NAA35: variants seen among roughly 807,000 people sequenced by gnomAD.
NAA35 encodes the protein N-alpha-acetyltransferase 35, NatC auxiliary subunit.
In NAA35, 18 loss-of-function variants were observed where a neutral mutation model predicts 101.7. The ratio of observed to expected loss-of-function variants is 0.18; its 90% CI spans 0.12 to 0.26. NAA35 has a LOEUF of 0.26. NAA35 is among the 10% of genes least tolerant of loss of function. The probability of loss-of-function intolerance (pLI) is 1.00; values close to 1 mark genes in which losing one functional copy is unlikely to be tolerated. For synonymous variants in NAA35, 267 were observed against 273.1 expected, an observed-to-expected ratio of 0.98 and a Z score of 0.22; for missense variants, 601 against 886.8, an observed-to-expected ratio of 0.68 and a Z score of 4.09.
chr9:85,996,405 C>A lies in NAA35; in HGVS notation c.884C>A (p.Pro295Gln). 1 of 1,568,810 alleles carries A rather than the reference C, an allele frequency of 6.4e-7. No individual in the cohort carries two copies. The highest frequency in any genetic ancestry group is 2.3e-5 in the East Asian group (1 of 42,908). ...AQNDTTKGDH[P>Q]IMMGFEPLVN... ...TTCATTTTTTTCTTTTTAGATCATC[C>A]AATTATGATGGGTTTTGAACCCCTT... Residue 295 changes from proline to glutamine, a missense_variant, in exon 12 of 23, where the codon CCA becomes CAA. Coordinates refer to ENST00000361671, the MANE Select transcript of NAA35 (RefSeq NM_024635.4).
chr9:85,988,878 G>A (rs562497904), intron 11 of NAA35, among the ~76,000 whole-genome samples: 3 of 151,974 alleles, frequency 2.0e-5, no homozygotes, highest in Non-Finnish European at 4.4e-5. Flanking sequence ...TGTGAAGTAT[G>A]ATGAGAAAGT....
chr9:85,973,266 G>C (rs1830071237), intron 6 of NAA35, among the ~76,000 whole-genome samples: 1 of 152,210 alleles, frequency 6.6e-6, no homozygotes, highest in Non-Finnish European at 1.5e-5. Context: ...GGCCATGGTG[G>C]ACTTAGGGAT....
intron 12 of NAA35, among the ~76,000 whole-genome samples, chr9:86,002,467 T>C (rs1161239288): frequency 1.3e-5 from 2 of 152,158 alleles, no homozygotes; most frequent in Non-Finnish European, 2.9e-5. Context: ...AGATGTTTGC[T>C]TTCTCCCCTT....
intron 10 of NAA35, among the ~76,000 whole-genome samples, chr9:85,977,902 CTAATT>C (rs1196387729): frequency 6.6e-6 from 1 of 151,394 alleles, no homozygotes; most frequent in Admixed American, 6.6e-5. Context: ...ATTTTTACCA[CTAATT>C]TAATTTCTGT....
intron 8 of NAA35, 86 bp from the exon 9 acceptor site, chr9:85,976,599 C>G (rs564535796): frequency 9.8e-7 from 1 of 1,018,856 alleles, no homozygotes; most frequent in African/African-American, 1.7e-5. Context: ...CTTGTGTATA[C>G]TTAAAAAATC....
At chr9:85,990,174 C>T (rs1830841063) in intron 11 of NAA35, among the ~76,000 whole-genome samples, 1 of 152,156 alleles carries the variant, frequency 6.6e-6, no homozygotes, top group African/African-American at 2.4e-5. Flanking sequence ...AAAGAGGGAC[C>T]AAACAGAAAG....
Position 86,021,065 on chromosome 9 carries a change from C to A in NAA35, c.2118+96C>A, listed in dbSNP as rs1309589904. 8.1e-6 allele frequency: 7 copies of A among 860,912 alleles called. No individual in the cohort carries two copies. The Admixed American group carries it at 1.8e-4, about 22-fold the overall frequency. The allele number at this position is 860,912 out of a possible 1,614,324, so 53.3% of individuals were successfully genotyped here. Reference sequence around the variant, plus strand: ...TGTAAATATTACAGGAAAAATTAAACCACTGAACAAAAATCATTCTAAAAA... The same window carrying A: ...TGTAAATATTACAGGAAAAATTAAAACACTGAACAAAAATCATTCTAAAAA... On this transcript the variant is annotated intron_variant, in intron 22 of 22. Transcript: ENST00000361671.
intron 11 of NAA35, among the ~76,000 whole-genome samples, chr9:85,989,060 T>A (rs532702616): frequency 1.4e-4 from 21 of 152,350 alleles, no homozygotes; most frequent in African/African-American, 5.0e-4. Context: ...GAATTATTAA[T>A]AGTAAAATAG....
At chr9:85,960,228 AT>A (rs958996054) in intron 5 of NAA35, among the ~76,000 whole-genome samples, 1 of 152,092 alleles carries the variant, frequency 6.6e-6, no homozygotes, top group Non-Finnish European at 1.5e-5. Context: ...CTTTGGAGAG[AT>A]TTTTTCTAAT....
At chr9:86,015,803 A>C in intron 17 of NAA35, 1 of 978,134 alleles carries the variant, frequency 1.0e-6, no homozygotes, top group Non-Finnish European at 1.2e-6. Context: ...AGAAGGTAGA[A>C]GACATCATCA....
chr9:85,958,702 T>C, intron 4 of NAA35, 116 bp downstream of exon 4: 2 of 584,100 alleles, frequency 3.4e-6, no homozygotes, highest in Non-Finnish European at 2.8e-6. Flanking sequence ...TCAAAGCAGC[T>C]CAAGCATATA....
At chr9:86,007,004 C>T (rs1372315472) in intron 13 of NAA35, among the ~76,000 whole-genome samples, 1 of 151,950 alleles carries the variant, frequency 6.6e-6, no homozygotes, top group Non-Finnish European at 1.5e-5. Context: ...TAGAGGTAAA[C>T]AGGATTATCA....
chr9:85,997,532 A>G (rs1282418117), intron 12 of NAA35, among the ~76,000 whole-genome samples: 1 of 151,346 alleles, frequency 6.6e-6, no homozygotes, highest in Non-Finnish European at 1.5e-5. Flanking sequence ...TGGTAGAGAC[A>G]GGGTTTCACC....
chr9:85,970,979 A>T (rs1829974310), intron 6 of NAA35, among the ~76,000 whole-genome samples: 1 of 152,186 alleles, frequency 6.6e-6, no homozygotes, highest in African/African-American at 2.4e-5. Context: ...ACTTGTTAAG[A>T]TGAAAGCATT....
rs1263767250 is a variant in NAA35, at chr9:85,955,345, TATATATATATATATA to T, written c.125-1014_125-1000del. ...CTATATACATATATATATATATATATATATATATATATATATTTTTTTTTTTTTTTTTCTTCAGAC... is the reference window on the plus strand; with the variant it reads ...CTATATACATATATATATATATATATTTTTTTTTTTTTTTTTTCTTCAGAC... On this transcript the variant is annotated intron_variant, in intron 2 of 22. Coordinates refer to ENST00000361671, the MANE Select transcript of NAA35 (RefSeq NM_024635.4). 1.9e-4 allele frequency among the ~76,000 whole-genome samples: 14 copies of T among 72,984 alleles called. No individual in the cohort carries two copies. The South Asian group carries it at 3.4e-3, about 18-fold the overall frequency. 47.9% of individuals were successfully genotyped at this position (72,984 alleles called of 152,430 possible). A position where few individuals can be genotyped will look rare whatever the true frequency, so the allele number is the denominator to read the frequency against.
intron 2 of NAA35, among the ~76,000 whole-genome samples, chr9:85,951,137 CAAAA>C (rs563456145): frequency 1.2e-5 from 1 of 86,034 alleles, no homozygotes; most frequent in African/African-American, 4.2e-5. Context: ...GACTCCATCT[CAAAA>C]AAAAAAAAAA....
intron 6 of NAA35, chr9:85,966,664 G>T: frequency 2.3e-6 from 3 of 1,292,730 alleles, no homozygotes. Flanking sequence ...TTCAATGTTG[G>T]AAGGAATGCA....
At chr9:85,955,349 TA>T (rs1564288034) in intron 2 of NAA35, among the ~76,000 whole-genome samples, 5,242 of 81,670 alleles carry the variant, frequency 0.064, 227 homozygotes, top group African/African-American at 0.11. Flanking sequence ...TATATATATA[TA>T]TATATATATA....
At chr9:85,997,237 C>T (rs1398048276) in intron 12 of NAA35, among the ~76,000 whole-genome samples, 1 of 152,064 alleles carries the variant, frequency 6.6e-6, no homozygotes, top group African/African-American at 2.4e-5. Flanking sequence ...GCTGGGATTG[C>T]AGGTGTGAGC....
Sources: allele counts gnomAD v4.1 joint callset (sites outside exome capture counted in the v4.1 genomes callset), GRCh38; gene constraint gnomAD v4.1.1; transcripts MANE v1.5; gene names NCBI Gene and HGNC (gene_info 2026-07-23, HGNC 2026-07-21).